PRKCE: variants seen among roughly 807,000 people sequenced by gnomAD.
The protein encoded by PRKCE is protein kinase C epsilon, also known as protein kinase C epsilon type.
In PRKCE, 16 loss-of-function variants were observed where a neutral mutation model predicts 85.4. The ratio of observed to expected loss-of-function variants is 0.19; its 90% CI spans 0.13 to 0.28. The LOEUF is 0.28. PRKCE is among the 10% of genes least tolerant of loss of function. PRKCE has a pLI of 1.00. For missense variants in PRKCE, 573 were observed against 975.2 expected (o/e 0.59, Z 5.49); for synonymous variants, 388 against 371.5 (o/e 1.04, Z -0.51).
intron 1 of PRKCE, among the ~76,000 whole-genome samples, chr2:45,759,555 CTGT>C (rs1172106286): frequency 6.6e-6 from 1 of 152,176 alleles, no homozygotes; most frequent in African/African-American, 2.4e-5. Context: ...TGGGAGATGC[CTGT>C]TGTTCCTCAC....
intron 10 of PRKCE, among the ~76,000 whole-genome samples, chr2:46,075,505 C>G (rs1668480193): frequency 6.6e-6 from 1 of 151,934 alleles, no homozygotes; most frequent in African/African-American, 2.4e-5. Flanking sequence ...TTTTGGGAGG[C>G]CAAGGTGGGC....
At chr2:45,934,055 C>A (rs1470617709) in intron 2 of PRKCE, among the ~76,000 whole-genome samples, 1 of 152,150 alleles carries the variant, frequency 6.6e-6, no homozygotes. Flanking sequence ...CAGAGGTAGT[C>A]TCCTAACTGA....
intron 1 of PRKCE, among the ~76,000 whole-genome samples, chr2:45,799,018 T>A (rs1687654168): frequency 6.6e-6 from 1 of 151,966 alleles, no homozygotes; most frequent in African/African-American, 2.4e-5. Flanking sequence ...ATACAAAAAT[T>A]AGCCGGGCAT....
At chr2:45,705,473 G>T (rs1679036352) in intron 1 of PRKCE, among the ~76,000 whole-genome samples, 2 of 152,220 alleles carry the variant, frequency 1.3e-5, no homozygotes. Flanking sequence ...TGTAAACCCA[G>T]CTGTACCATT....
intron 10 of PRKCE, among the ~76,000 whole-genome samples, chr2:46,053,504 A>T (rs1195550979): frequency 3.3e-5 from 5 of 152,118 alleles, no homozygotes; most frequent in Non-Finnish European, 7.4e-5. Context: ...TAAACTCCTC[A>T]TTACCTACCT....
At chr2:45,974,689 C>G (rs200872732) in intron 2 of PRKCE, among the ~76,000 whole-genome samples, 1 of 152,194 alleles carries the variant, frequency 6.6e-6, no homozygotes, top group Non-Finnish European at 1.5e-5. Context: ...TTGTTCAGGT[C>G]ATACATATGA....
At chr2:45,760,829 G>A (rs1036041011) in intron 1 of PRKCE, among the ~76,000 whole-genome samples, 8 of 152,132 alleles carry the variant, frequency 5.3e-5, no homozygotes, top group East Asian at 1.9e-4. Flanking sequence ...TCTGGGTATC[G>A]GATTTGGTGC....
At chr2:45,826,088 C>T (rs1452578925) in intron 1 of PRKCE, among the ~76,000 whole-genome samples, 5 of 152,102 alleles carry the variant, frequency 3.3e-5, no homozygotes, top group African/African-American at 9.7e-5. Context: ...GTAGACCCCA[C>T]CCAGGGCAGT....
At chr2:45,705,431 T>C (rs1208998755) in intron 1 of PRKCE, among the ~76,000 whole-genome samples, 1 of 152,162 alleles carries the variant, frequency 6.6e-6, no homozygotes, top group African/African-American at 2.4e-5. Flanking sequence ...TGACTGCCAG[T>C]TGGGGGTATA....
At chr2:46,023,089 C>CAAAAAAAAAAAAAAAAA (rs397984467) in intron 10 of PRKCE, among the ~76,000 whole-genome samples, 2 of 71,494 alleles carry the variant, frequency 2.8e-5, no homozygotes, top group Admixed American at 1.6e-4. Flanking sequence ...GACTCCGTCT[C>CAAAAAAAAAAAAAAAAA]AAAAAAAAAA....
At chr2:46,177,988 G>C (rs1279529028) in intron 14 of PRKCE, among the ~76,000 whole-genome samples, 4 of 152,328 alleles carry the variant, frequency 2.6e-5, no homozygotes, top group Non-Finnish European at 2.9e-5. Context: ...GGCTGGGCAT[G>C]GTGGCTCACA....
Position 45,885,002 on chromosome 2 carries a change from T to TTTTTTTTTTTG in PRKCE, c.412+41941_412+41942insTTTTTTTTGTT, listed in dbSNP as rs375477829. 6.5e-3 allele frequency among the ~76,000 whole-genome samples: 630 copies of TTTTTTTTTTTG among 97,572 alleles called. 28 individuals carry two copies. The highest frequency in any genetic ancestry group is 0.011 in the South Asian group (33 of 2,942). The allele number at this position is 97,572 out of a possible 152,430, so 64.0% of individuals were successfully genotyped here. ...ATATATATATATATATATATATATA[T>TTTTTTTTTTTG]TTGTTGTTGTTGTTGTTGTTTTACC... is the stretch of plus-strand genomic sequence containing the variant. On this transcript the variant is annotated intron_variant, in intron 2 of 14. Transcript: ENST00000306156.
chr2:45,769,486 G>A (rs554973964), intron 1 of PRKCE, among the ~76,000 whole-genome samples: 9 of 152,082 alleles, frequency 5.9e-5, no homozygotes, highest in Non-Finnish European at 1.2e-4. Flanking sequence ...ATGCACAATC[G>A]CTGGCGAGTA....
chr2:45,912,830 A>G lies in PRKCE; in HGVS notation c.413-63599A>G, dbSNP rs541860616. Among the ~76,000 whole-genome samples, 11 of 152,114 alleles carry G rather than the reference A, an allele frequency of 7.2e-5. No individual in the cohort carries two copies. The East Asian group carries it at 2.1e-3, about 29-fold the overall frequency. Reference sequence around the variant, plus strand: ...TTCCAGGGTCTGGGGCCACATGTACATTTGCAGTCAGCTGCCTAGGAGCCT... The same window carrying G: ...TTCCAGGGTCTGGGGCCACATGTACGTTTGCAGTCAGCTGCCTAGGAGCCT... On this transcript the variant is annotated intron_variant, in intron 2 of 14. Transcript: ENST00000306156.
At chr2:45,943,921 A>G (rs1319989877) in intron 2 of PRKCE, among the ~76,000 whole-genome samples, 4 of 152,220 alleles carry the variant, frequency 2.6e-5, no homozygotes, top group Non-Finnish European at 5.9e-5. Flanking sequence ...TCAAGCTAGA[A>G]AAGGCACAGA....
intron 11 of PRKCE, among the ~76,000 whole-genome samples, chr2:46,093,916 T>C (rs1670429476): frequency 6.6e-6 from 1 of 152,234 alleles, no homozygotes; most frequent in African/African-American, 2.4e-5. Flanking sequence ...CCATTTGGAA[T>C]TCAGTTATGT....
At chr2:45,986,460 G>A (rs372401375) in intron 6 of PRKCE, among the ~76,000 whole-genome samples, 22 of 152,232 alleles carry the variant, frequency 1.4e-4, no homozygotes, top group African/African-American at 4.8e-4. Flanking sequence ...GATGGACACC[G>A]CCTTCCCCAG....
At chr2:46,100,298 C>T (rs1671082505) in intron 11 of PRKCE, among the ~76,000 whole-genome samples, 1 of 152,192 alleles carries the variant, frequency 6.6e-6, no homozygotes, top group African/African-American at 2.4e-5. Flanking sequence ...CTGTGCTCTG[C>T]TCTCGGTATG....
At chr2:45,777,950 T>A (rs1685879314) in intron 1 of PRKCE, among the ~76,000 whole-genome samples, 1 of 152,100 alleles carries the variant, frequency 6.6e-6, no homozygotes, top group Non-Finnish European at 1.5e-5. Flanking sequence ...CTCAAAGTCA[T>A]TTTTCAGCAT....
Sources: gnomAD v4.1 joint callset for allele counts (sites outside exome capture counted in the v4.1 genomes callset) on GRCh38, gnomAD v4.1.1 for gene constraint, MANE v1.5 for transcripts, NCBI Gene and HGNC (gene_info 2026-07-23, HGNC 2026-07-21) for gene names.